Variants in CRADD observed in about 807,000 individuals in gnomAD.
CRADD encodes death domain-containing protein CRADD.
Under a neutral mutation model 15.5 loss-of-function variants are expected in CRADD, and 9 were observed. The ratio of observed to expected loss-of-function variants is 0.58; its 90% confidence interval spans 0.35 to 1.01. The LOEUF (loss-of-function observed/expected upper bound fraction) is 1.01, where lower values mean the gene tolerates loss of function less well. Among genes scored for constraint, CRADD ranks in the 50% least tolerant of loss-of-function variants. The pLI is 0.02. For missense variants in CRADD, 227 were observed against 250.3 expected, an observed-to-expected ratio of 0.91 and a Z score of 0.63; for synonymous variants, 118 against 107.6, an observed-to-expected ratio of 1.10 and a Z score of -0.60.
intron 2 of CRADD, among the ~76,000 whole-genome samples, chr12:93,781,287 G>A (rs150536951): frequency 9.9e-5 from 15 of 152,196 alleles, no homozygotes; most frequent in South Asian, 2.1e-4. Flanking sequence ...AAAAAATCCC[G>A]CATTTGTCAC....
At chr12:93,839,939 A>T (rs1307639387) in intron 2 of CRADD, among the ~76,000 whole-genome samples, 1 of 152,250 alleles carries the variant, frequency 6.6e-6, no homozygotes, top group Non-Finnish European at 1.5e-5. Context: ...ATTAATTTTA[A>T]AAACCACTTC....
At chr12:93,878,529 A>C (rs1295562908) in intron 2 of CRADD, among the ~76,000 whole-genome samples, 1 of 151,520 alleles carries the variant, frequency 6.6e-6, no homozygotes, top group Non-Finnish European at 1.5e-5. Flanking sequence ...CCCCCAGTCC[A>C]CTCTCTTTAG....
chr12:93,858,530 G>T (rs1349172166), intron 2 of CRADD, among the ~76,000 whole-genome samples: 6 of 152,194 alleles, frequency 3.9e-5, no homozygotes, highest in Non-Finnish European at 5.9e-5. Context: ...CATTGCCACT[G>T]TTGGGACTCA....
chr12:93,814,079 G>A (rs192303460), intron 2 of CRADD, among the ~76,000 whole-genome samples: 1 of 152,316 alleles, frequency 6.6e-6, no homozygotes. Flanking sequence ...AGGTTTCTCA[G>A]CTGCCTGCCA....
chr12:93,801,789 G>A (rs908815680), intron 2 of CRADD, among the ~76,000 whole-genome samples: 4 of 152,052 alleles, frequency 2.6e-5, no homozygotes, highest in African/African-American at 9.7e-5. Context: ...TGAGATTTTA[G>A]TGCACCCGTC....
chr12:93,790,490 C>CTG (rs1957336289), intron 2 of CRADD, among the ~76,000 whole-genome samples: 1 of 115,330 alleles, frequency 8.7e-6, no homozygotes, highest in East Asian at 4.3e-4. Flanking sequence ...AGAAACTCAA[C>CTG]TAAAGCATGG....
chr12:93,860,624 C>T (rs772128989), intron 2 of CRADD, among the ~76,000 whole-genome samples: 3 of 152,104 alleles, frequency 2.0e-5, no homozygotes, highest in Admixed American at 6.5e-5. Context: ...GGGAGGGAGC[C>T]GTGCTGAGGC....
intron 2 of CRADD, among the ~76,000 whole-genome samples, chr12:93,794,658 C>T (rs1957392923): frequency 6.6e-6 from 1 of 152,186 alleles, no homozygotes; most frequent in African/African-American, 2.4e-5. Flanking sequence ...TCTGTGTTTG[C>T]CCCTGGCAGT....
chr12:93,721,020 T>C (rs1956251816), intron 2 of CRADD, among the ~76,000 whole-genome samples: 1 of 152,242 alleles, frequency 6.6e-6, no homozygotes, highest in Non-Finnish European at 1.5e-5. Context: ...TTTTGCCTTT[T>C]ATGGTTTATT....
rs1176513560 is a variant in CRADD, at chr12:93,684,476, C to T, written c.298+5404C>T. Among the ~76,000 whole-genome samples, 12 of 152,280 alleles carry T rather than the reference C, an allele frequency of 7.9e-5. 2 individuals are homozygous for T. In the South Asian group the frequency reaches 2.1e-3, roughly 26 times the overall value. On this transcript the variant is annotated intron_variant, in intron 2 of 2. Transcript: ENST00000332896. ...GTAATCCTCGCTTGCCTGCCACTTA[C>T]CTCCTGCTCTGCGATCCGGTTCCTA...
At chr12:93,789,009 A>C (rs1418531014) in intron 2 of CRADD, among the ~76,000 whole-genome samples, 2 of 151,980 alleles carry the variant, frequency 1.3e-5, no homozygotes, top group Non-Finnish European at 2.9e-5. Context: ...TTCTGTGTGC[A>C]TTATTTGTAT....
chr12:93,854,885 T>C (rs1434442915), downstream of CRADD, among the ~76,000 whole-genome samples: 4 of 152,218 alleles, frequency 2.6e-5, no homozygotes, highest in Non-Finnish European at 5.9e-5. Context: ...TTTAATACTT[T>C]TTAAAAACTT....
intron 2 of CRADD, among the ~76,000 whole-genome samples, chr12:93,699,616 A>G (rs1440689462): frequency 6.6e-6 from 1 of 152,168 alleles, no homozygotes; most frequent in Non-Finnish European, 1.5e-5. Context: ...TTTGAAGGAA[A>G]TCTTTTGTCA....
chr12:93,699,209 G>A (rs1249091622), intron 2 of CRADD, among the ~76,000 whole-genome samples: 3 of 152,130 alleles, frequency 2.0e-5, no homozygotes, highest in Non-Finnish European at 2.9e-5. Flanking sequence ...TTTCTTCAGG[G>A]TAAACTTTTC....
chr12:93,685,460 A>G (rs1391193314), intron 2 of CRADD, among the ~76,000 whole-genome samples: 1 of 152,186 alleles, frequency 6.6e-6, no homozygotes, highest in Non-Finnish European at 1.5e-5. Context: ...AGAAAGAATA[A>G]ATGTTTGACA....
At chr12:93,737,053 G>A (rs986665009) in intron 2 of CRADD, among the ~76,000 whole-genome samples, 4 of 152,230 alleles carry the variant, frequency 2.6e-5, no homozygotes, top group Non-Finnish European at 4.4e-5. Flanking sequence ...AGGGGTAGAG[G>A]AGGCAGTGAT....
chr12:93,719,592 A>C (rs891199720), intron 2 of CRADD, among the ~76,000 whole-genome samples: 1 of 152,204 alleles, frequency 6.6e-6, no homozygotes. Flanking sequence ...TTCTATTTTA[A>C]AGGTTATTAA....
chr12:93,699,052 T>C (rs1483977425), intron 2 of CRADD, among the ~76,000 whole-genome samples: 2 of 152,118 alleles, frequency 1.3e-5, no homozygotes, highest in South Asian at 2.1e-4. Flanking sequence ...AAAAAAAACC[T>C]GTGGCTTTTC....
chr12:93,715,175 C>T (rs542178970), intron 2 of CRADD, among the ~76,000 whole-genome samples: 245 of 152,112 alleles, frequency 1.6e-3, no homozygotes, highest in African/African-American at 5.0e-3. Context: ...ATTGAGGACC[C>T]GAGAAGTTAA....
Sources: allele counts gnomAD v4.1 joint callset (sites outside exome capture counted in the v4.1 genomes callset), GRCh38; gene constraint gnomAD v4.1.1; transcripts MANE v1.5; gene names NCBI Gene and HGNC (gene_info 2026-07-23, HGNC 2026-07-21).